Variants in MBOAT1 observed in about 807,000 individuals in gnomAD.
MBOAT1 encodes membrane-bound glycerophospholipid O-acyltransferase 1.
MBOAT1 carries 67 observed loss-of-function variants against 64.4 expected under a neutral mutation model. The observed-to-expected ratio is 1.04, with a 90% confidence interval of 0.85 to 1.27. The LOEUF (loss-of-function observed/expected upper bound fraction) is 1.27. MBOAT1 is among the 50% of genes most tolerant of loss of function. The pLI, the probability that MBOAT1 is intolerant of heterozygous loss-of-function variation, is 0.00. For missense variants in MBOAT1, 563 were observed against 604.6 expected, an observed-to-expected ratio of 0.93 and a Z score of 0.72; for synonymous variants, 229 against 218.9, an observed-to-expected ratio of 1.05 and a Z score of -0.41.
At chr6:20,153,599 A>G (rs759235385) in intron 1 of MBOAT1, among the ~76,000 whole-genome samples, 35 of 152,196 alleles carry the variant, frequency 2.3e-4, no homozygotes, top group Non-Finnish European at 4.6e-4. Flanking sequence ...CAGGACTTAC[A>G]ACAATGTCTC....
chr6:20,128,905 C>G, intron 5 of MBOAT1, 152 bp from the exon 6 acceptor site: 1 of 586,860 alleles, frequency 1.7e-6, no homozygotes, highest in Non-Finnish European at 2.9e-6. Flanking sequence ...TTTTTAATGC[C>G]CTGGACCAAA....
intron 10 of MBOAT1, 53 bp downstream of exon 10, chr6:20,115,235 C>CT: frequency 7.3e-7 from 1 of 1,371,558 alleles, no homozygotes; most frequent in African/African-American, 1.4e-5. Context: ...ACTGACTCCC[C>CT]TCTGAACATA....
At chr6:20,120,345 G>C (rs1441173488) in intron 8 of MBOAT1, among the ~76,000 whole-genome samples, 1 of 152,096 alleles carries the variant, frequency 6.6e-6, no homozygotes, top group Non-Finnish European at 1.5e-5. Context: ...CTCAAGAAAG[G>C]TTAGCTATTA....
At chr6:20,152,595 ATAT>A (rs763233601) in intron 2 of MBOAT1, 26 bp downstream of exon 2, 886 of 1,594,096 alleles carry the variant, frequency 5.6e-4, no homozygotes, top group Non-Finnish European at 7.3e-4. Flanking sequence ...CAAATGACCA[ATAT>A]TAGAATATAT....
intron 12 of MBOAT1, 120 bp from the exon 13 acceptor site, chr6:20,102,532 G>GAGA: frequency 2.7e-5 from 20 of 751,780 alleles, no homozygotes; most frequent in Admixed American, 1.1e-4. Flanking sequence ...TAGGAGGCCT[G>GAGA]TCTACACTCA....
chr6:20,185,247 C>A (rs976442759), intron 1 of MBOAT1, among the ~76,000 whole-genome samples: 6 of 152,086 alleles, frequency 3.9e-5, no homozygotes, highest in African/African-American at 1.4e-4. Flanking sequence ...CAGAGCAAGA[C>A]CCTGACAATC....
intron 1 of MBOAT1, among the ~76,000 whole-genome samples, chr6:20,190,190 C>T (rs891970474): frequency 2.6e-5 from 4 of 151,878 alleles, no homozygotes; most frequent in Non-Finnish European, 5.9e-5. Context: ...AGATGGAGTT[C>T]CACTATGTTG....
At chr6:20,208,543 G>C (rs1340005949) in intron 1 of MBOAT1, among the ~76,000 whole-genome samples, 1 of 151,940 alleles carries the variant, frequency 6.6e-6, no homozygotes, top group African/African-American at 2.4e-5. Flanking sequence ...CTTTAAAGCT[G>C]GTCTTCATTT....
At chr6:20,156,451 C>T (rs776806893) in intron 1 of MBOAT1, among the ~76,000 whole-genome samples, 19 of 152,102 alleles carry the variant, frequency 1.2e-4, no homozygotes, top group Non-Finnish European at 2.2e-4. Flanking sequence ...GGATGGCCAG[C>T]GGAGTGCTCC....
chr6:20,150,188 T>A (rs1343186483), intron 3 of MBOAT1, among the ~76,000 whole-genome samples: 1 of 152,212 alleles, frequency 6.6e-6, no homozygotes, highest in South Asian at 2.1e-4. Flanking sequence ...AAGGTAGACT[T>A]AAACTACCTC....
At chr6:20,132,542 T>C (rs1045141622) in intron 4 of MBOAT1, among the ~76,000 whole-genome samples, 2 of 152,138 alleles carry the variant, frequency 1.3e-5, no homozygotes, top group African/African-American at 4.8e-5. Context: ...ATTGGGACAA[T>C]GAGATGTACA....
chr6:20,135,297 A>C (rs953022085), intron 4 of MBOAT1, among the ~76,000 whole-genome samples: 2 of 152,196 alleles, frequency 1.3e-5, no homozygotes, highest in African/African-American at 4.8e-5. Flanking sequence ...ATGAAATATA[A>C]TAGAATAGGA....
intron 1 of MBOAT1, among the ~76,000 whole-genome samples, chr6:20,186,135 A>ATAGTGCCAC (rs1380729956): frequency 6.6e-6 from 1 of 152,222 alleles, no homozygotes; most frequent in African/African-American, 2.4e-5. Flanking sequence ...GTAAGCTATG[A>ATAGTGCCAC]TAGTGCCACT....
chr6:20,197,682 T>C (rs1441211474), intron 1 of MBOAT1, among the ~76,000 whole-genome samples: 1 of 152,206 alleles, frequency 6.6e-6, no homozygotes, highest in Non-Finnish European at 1.5e-5. Flanking sequence ...CCAATGTACA[T>C]CTTACACATA....
intron 11 of MBOAT1, among the ~76,000 whole-genome samples, chr6:20,111,756 C>G (rs955170697): frequency 6.9e-6 from 1 of 145,936 alleles, no homozygotes; most frequent in Non-Finnish European, 1.5e-5. Flanking sequence ...ACAATATGCA[C>G]TTAATTTCAA....
At chr6:20,207,308 C>G (rs150572247) in intron 1 of MBOAT1, among the ~76,000 whole-genome samples, 1 of 152,306 alleles carries the variant, frequency 6.6e-6, no homozygotes, top group East Asian at 1.9e-4. Context: ...CTTTTCACAA[C>G]TTAAACCCTG....
intron 1 of MBOAT1, among the ~76,000 whole-genome samples, chr6:20,184,184 G>T (rs1204285352): frequency 6.6e-6 from 1 of 152,162 alleles, no homozygotes; most frequent in Non-Finnish European, 1.5e-5. Context: ...AAGCAAGAGG[G>T]GCAGGAAGAG....
At chr6:20,134,282 A>G (rs73732811) in intron 4 of MBOAT1, among the ~76,000 whole-genome samples, 3,333 of 152,264 alleles carry the variant, frequency 0.022, 116 homozygotes, top group African/African-American at 0.075. Flanking sequence ...TAGCTAGAGC[A>G]AAGTCAATAA....
intron 1 of MBOAT1, among the ~76,000 whole-genome samples, chr6:20,155,550 T>A (rs1761652599): frequency 6.6e-6 from 1 of 152,232 alleles, no homozygotes; most frequent in Non-Finnish European, 1.5e-5. Flanking sequence ...CTCTTCCAGG[T>A]CTAATGGTCT....
Sources: gnomAD v4.1 joint callset for allele counts (sites outside exome capture counted in the v4.1 genomes callset) on GRCh38, gnomAD v4.1.1 for gene constraint, MANE v1.5 for transcripts, NCBI Gene and HGNC (gene_info 2026-07-23, HGNC 2026-07-21) for gene names.